Variants in TMEM161B observed in about 807,000 individuals in gnomAD.
TMEM161B encodes transmembrane protein 161B.
Under a neutral mutation model 61.8 loss-of-function variants are expected in TMEM161B, and 34 were observed. The observed-to-expected ratio is 0.55, with a 90% CI of 0.42 to 0.73. The LOEUF (loss-of-function observed/expected upper bound fraction) is 0.73. TMEM161B is among the 30% of genes least tolerant of loss of function. The pLI, the probability that TMEM161B is intolerant of heterozygous loss-of-function variation, is 0.00. For synonymous variants in TMEM161B, 167 were observed against 192.8 expected (o/e 0.87, Z 1.11); for missense variants, 456 against 558.5 (o/e 0.82, Z 1.85).
At chr5:88,250,545 C>T (rs905876826) in intron 1 of TMEM161B, 1 of 152,148 alleles carries the variant, frequency 6.6e-6, no homozygotes, top group African/African-American at 2.4e-5. Context: ...AGAAATCTCC[C>T]TAAACCAAGA....
intron 6 of TMEM161B, 114 bp from the exon 7 acceptor site, chr5:88,206,613 C>G: frequency 9.7e-7 from 1 of 1,035,800 alleles, no homozygotes; most frequent in Non-Finnish European, 1.4e-6. Context: ...TTTGAAGTGA[C>G]TAGCTTAGCT....
intron 1 of TMEM161B, among the ~76,000 whole-genome samples, chr5:88,245,274 A>G (rs1040427965): frequency 1.3e-5 from 2 of 151,826 alleles, no homozygotes; most frequent in Non-Finnish European, 1.5e-5. Flanking sequence ...CTTTTCTTTC[A>G]CATTTCCTAT....
Position 88,257,793 on chromosome 5 carries a change from T to C in TMEM161B, c.3+10928A>G, listed in dbSNP as rs546522895. 1.1e-4 allele frequency among the ~76,000 whole-genome samples: 16 copies of C among 152,288 alleles called. No homozygotes were observed. The South Asian group carries it at 3.3e-3, about 32-fold the overall frequency. The stretch of plus-strand genomic sequence containing the variant: ...AATATTTATAAGACCTGAAAGGAAA[T>C]CAGAGTTCCAAATTAAAGGAGTAAA... On this transcript the variant is annotated intron_variant, in intron 1 of 11. Transcript: ENST00000296595.
chr5:88,246,302 A>G (rs1287602636), intron 1 of TMEM161B, among the ~76,000 whole-genome samples: 1 of 151,692 alleles, frequency 6.6e-6, no homozygotes, highest in Non-Finnish European at 1.5e-5. Flanking sequence ...AGTAACTTTT[A>G]TACCAATACA....
At chr5:88,216,594 T>C (rs956605390) in intron 5 of TMEM161B, among the ~76,000 whole-genome samples, 5 of 152,240 alleles carry the variant, frequency 3.3e-5, no homozygotes, top group Admixed American at 3.3e-4. Context: ...CTTAAGACTT[T>C]GTTCTGGCTC....
rs966018051 is a variant in TMEM161B at position 88,240,852 on chromosome 5, G to C, written c.68C>G (p.Pro23Arg). The change falls in exon 2 of 12, where the codon CCT becomes CGT. Residue 23 changes from proline to arginine, a missense_variant. By Grantham distance (103) the Pro-to-Arg change is moderately radical. This residue lies in a region of TMEM161B where 85 missense variants were observed against 111.2 expected (regional missense o/e 0.76). Transcript: ENST00000296595. Reference protein sequence around the residue: ...VMASVMQKIIPHYSLARWLLC... With the variant: ...VMASVMQKIIRHYSLARWLLC... ...TAGCCATCGAGCAAGAGAATAGTGA[G>C]GTATAATCTTCTGCATGACACTGGC... is the stretch of plus-strand genomic sequence containing the variant. 1.9e-6 allele frequency: 3 copies of C among 1,611,508 alleles called. No homozygotes were observed. The highest frequency in any genetic ancestry group is 1.1e-5 in the South Asian group (1 of 90,980).
intron 1 of TMEM161B, among the ~76,000 whole-genome samples, chr5:88,246,426 C>T (rs1753628442): frequency 6.6e-6 from 1 of 151,606 alleles, no homozygotes; most frequent in Non-Finnish European, 1.5e-5. Context: ...AATATACTTT[C>T]AAAATAGCAA....
intron 5 of TMEM161B, among the ~76,000 whole-genome samples, chr5:88,213,465 A>G (rs2112473209): frequency 1.3e-5 from 2 of 152,278 alleles, no homozygotes; most frequent in South Asian, 4.1e-4. Context: ...CCATTCCACA[A>G]AAAAAGCTTT....
At chr5:88,216,963 AG>A (rs1172512769) in intron 5 of TMEM161B, among the ~76,000 whole-genome samples, 1 of 152,244 alleles carries the variant, frequency 6.6e-6, no homozygotes, top group Non-Finnish European at 1.5e-5. Context: ...CTGCAAGGGG[AG>A]GAAGTCAGTA....
At position 88,240,934 on chromosome 5, in the gene TMEM161B, A is replaced by G. The variant is rs1215051320; in HGVS notation, c.4-18T>C. The G allele has an allele frequency of 6.7e-7, 1 of 1,503,684 alleles. No homozygotes were observed. Among genetic ancestry groups the G allele is most frequent in the South Asian group, 1.3e-5 (1 of 78,902 alleles). The allele number at this position is 1,503,684 out of a possible 1,614,324, so 93.1% of individuals were successfully genotyped here. A position where few individuals can be genotyped will look rare whatever the true frequency, so the allele number is the denominator to read the frequency against. On this transcript the variant is annotated intron_variant, in intron 1 of 11. Transcript: ENST00000296595. ...ATCACACCCTGTGTAAAAAAAACAA[A>G]CAAATTTAATAATGAATGATTTTGG...
At chr5:88,229,213 T>C (rs769707995) in intron 2 of TMEM161B, among the ~76,000 whole-genome samples, 2 of 152,228 alleles carry the variant, frequency 1.3e-5, no homozygotes, top group African/African-American at 2.4e-5. Context: ...CTGAATTTCA[T>C]GGCTTGCCTA....
At position 88,207,148 on chromosome 5, in the gene TMEM161B, A is replaced by C; in HGVS notation, c.479T>G (p.Phe160Cys). Residue 160 changes from phenylalanine (F) to cysteine (C), a missense_variant, in exon 6 of 12, where the codon TTT (phenylalanine) becomes TGT (cysteine). Phe to Cys is a radical substitution (Grantham distance 205, BLOSUM62 -2). This residue lies in a region of TMEM161B where 367 missense variants were observed against 427.3 expected (regional missense o/e 0.86). Transcript: ENST00000296595. ...KVLFSLTTHY[F>C]KVEDGGERSV... ...TCTTTCACCACCATCTTCTACTTTA[A>C]AATAGTGTGTAGTTAATGAAAATAG... 1 of 1,612,202 alleles carries C rather than the reference A, an allele frequency of 6.2e-7. No individual in the cohort carries two copies. The highest frequency in any genetic ancestry group is 1.7e-5 in the Admixed American group (1 of 59,790).
At chr5:88,234,131 G>C (rs1360284246) in intron 2 of TMEM161B, among the ~76,000 whole-genome samples, 1 of 151,946 alleles carries the variant, frequency 6.6e-6, no homozygotes. Flanking sequence ...ACTTTAAATG[G>C]GAGAAGTTTA....
At chr5:88,216,114 G>A (rs919470089) in intron 5 of TMEM161B, among the ~76,000 whole-genome samples, 1 of 152,028 alleles carries the variant, frequency 6.6e-6, no homozygotes, top group Non-Finnish European at 1.5e-5. Flanking sequence ...AAATTAGCTG[G>A]GTGAAACTGC....
chr5:88,245,112 A>T (rs1382027618), intron 1 of TMEM161B, among the ~76,000 whole-genome samples: 1 of 151,802 alleles, frequency 6.6e-6, no homozygotes, highest in Non-Finnish European at 1.5e-5. Context: ...AACTAGAGGT[A>T]TCATGTTACC....
chr5:88,218,628 A>G (rs924263617), intron 5 of TMEM161B, among the ~76,000 whole-genome samples: 11 of 152,046 alleles, frequency 7.2e-5, no homozygotes, highest in Admixed American at 5.2e-4. Context: ...ACAGAAAATA[A>G]AGAGAGATGT....
At chr5:88,195,006 T>TA, downstream of TMEM161B, 2 of 342,560 alleles carry the variant, frequency 5.8e-6, no homozygotes, top group African/African-American at 4.4e-5. Flanking sequence ...AAAATATTTC[T>TA]AATTCTAGAA....
downstream of TMEM161B, among the ~76,000 whole-genome samples, chr5:88,188,830 G>A (rs1409596759): frequency 6.6e-6 from 1 of 152,186 alleles, no homozygotes; most frequent in East Asian, 1.9e-4. Flanking sequence ...TAGAGTTGGG[G>A]GGGGTGGTTA....
intron 1 of TMEM161B, among the ~76,000 whole-genome samples, chr5:88,261,670 GA>G (rs376436239): frequency 0.029 from 737 of 25,760 alleles, 5 homozygotes; most frequent in African/African-American, 0.087. Context: ...ATACAATGGA[GA>G]AAAAAAAAAA....
Sources: gnomAD v4.1 joint callset for allele counts (sites outside exome capture counted in the v4.1 genomes callset) on GRCh38, gnomAD v4.1.1 for gene constraint, gnomAD v4.1.1 regional missense constraint, MANE v1.5 for transcripts, NCBI Gene and HGNC (gene_info 2026-07-23, HGNC 2026-07-21) for gene names.